The following PROM1 variants were observed in gnomAD, a reference collection of about 807,000 sequenced individuals.
PROM1 encodes the protein prominin 1.
In PROM1, 105 loss-of-function variants were observed where a neutral mutation model predicts 116.9. The observed-to-expected ratio is 0.90, with a 90% CI of 0.77 to 1.06. PROM1 has a LOEUF of 1.06. Ranked by LOEUF, PROM1 falls within the 50% of genes least tolerant of loss-of-function variation. PROM1 has a pLI of 0.00. For synonymous variants in PROM1, 393 were observed against 387.0 expected (o/e 1.02, Z -0.18); for missense variants, 1,122 against 1,045.2 (o/e 1.07, Z -1.01).
intron 23 of PROM1, 104 bp from the exon 24 acceptor site, chr4:15,980,641 A>G: frequency 1.3e-6 from 1 of 767,040 alleles, no homozygotes; most frequent in Non-Finnish European, 2.1e-6. Flanking sequence ...GGAATTTTTA[A>G]AAATGAGTTG....
chr4:15,994,333 C>T (rs146770150), intron 15 of PROM1, among the ~76,000 whole-genome samples: 15 of 152,318 alleles, frequency 9.8e-5, no homozygotes, highest in African/African-American at 3.4e-4. Flanking sequence ...CTCCTACATG[C>T]TCTAGTTCTG....
At position 16,052,988 on chromosome 4, in the gene PROM1, C is replaced by T. The variant is rs137892427; in HGVS notation, c.221-13987G>A. On this transcript the variant is annotated intron_variant, in intron 2 of 27. Transcript: ENST00000447510. ...CATGTCATTTATGTAGTGCCACAGA[C>T]GAAATATTTAATTTGAATAAAAGCT... Among the ~76,000 whole-genome samples, 9 of 151,976 alleles carry T rather than the reference C, an allele frequency of 5.9e-5. No homozygotes were observed. The East Asian group carries it at 1.2e-3, about 20-fold the overall frequency.
intron 16 of PROM1, among the ~76,000 whole-genome samples, chr4:15,992,616 A>T (rs896312954): frequency 6.6e-6 from 1 of 152,182 alleles, no homozygotes; most frequent in African/African-American, 2.4e-5. Context: ...ACATAAATTT[A>T]AAAAATAAAT....
chr4:15,994,063 T>C lies in PROM1; in HGVS notation c.1691A>G (p.Lys564Arg), dbSNP rs1156646532. Residue 564 changes from lysine to arginine, a missense_variant, in exon 16 of 28, where the codon AAA becomes AGA. Coordinates refer to ENST00000447510, the MANE Select transcript of PROM1 (RefSeq NM_006017.3). Reference protein sequence around the residue: ...LTFEQVYSDCKKNRGTYGTLH... With the variant: ...LTFEQVYSDCRKNRGTYGTLH... The stretch of plus-strand genomic sequence containing the variant: ...AGTGCCGTAAGTGCCTCTATTTTTT[T>C]TGCAGTCACTGTGGGAATGAACAGA... 2 of 1,613,996 alleles carry C rather than the reference T, an allele frequency of 1.2e-6. No homozygotes were observed. The highest frequency in any genetic ancestry group is 1.7e-6 in the Non-Finnish European group (2 of 1,179,870).
rs1745526438 is a variant in PROM1, at chr4:16,083,980, C to G, written c.-215G>C. The G allele has an allele frequency of 6.6e-6, 1 of 152,308 alleles. No homozygotes were observed. The allele number at this position is 152,308 out of a possible 1,614,324, so 9.4% of individuals were successfully genotyped here. On this transcript the variant is annotated splice_region_variant and 5_prime_UTR_variant, in exon 1 of 28. Coordinates refer to ENST00000447510, the MANE Select transcript of PROM1 (RefSeq NM_006017.3). ...AAGGATTCCTTAAACATACTCACCGCGGCGGGAGAGCTGAGAGCATGGCCA... is the reference window on the plus strand; with the variant it reads ...AAGGATTCCTTAAACATACTCACCGGGGCGGGAGAGCTGAGAGCATGGCCA...
chr4:16,035,472 G>C (rs555007126), intron 4 of PROM1, among the ~76,000 whole-genome samples: 6 of 152,326 alleles, frequency 3.9e-5, no homozygotes, highest in Non-Finnish European at 8.8e-5. Context: ...GGCATTTCAA[G>C]AGTTCACTTC....
intron 23 of PROM1, among the ~76,000 whole-genome samples, chr4:15,981,182 G>A (rs1269172246): frequency 1.3e-5 from 2 of 150,672 alleles, no homozygotes; most frequent in Non-Finnish European, 3.0e-5. Context: ...AGGATGGTCT[G>A]GATCCCCTGA....
intron 2 of PROM1, among the ~76,000 whole-genome samples, chr4:16,057,007 G>A (rs1578244148): frequency 1.3e-5 from 2 of 152,322 alleles, no homozygotes; most frequent in East Asian, 3.9e-4. Flanking sequence ...TCCTGTTTTT[G>A]CAATACAACG....
intron 23 of PROM1, among the ~76,000 whole-genome samples, chr4:15,981,558 C>T (rs970681647): frequency 1.4e-5 from 2 of 148,072 alleles, no homozygotes; most frequent in Admixed American, 1.4e-4. Context: ...GGCAACAGAA[C>T]GAGACTCTAT....
chr4:16,047,520 T>C (rs115771130), intron 2 of PROM1, among the ~76,000 whole-genome samples: 3,971 of 152,292 alleles, frequency 0.026, 165 homozygotes, highest in African/African-American at 0.091. Flanking sequence ...TTACAGTGTC[T>C]GGCCGGTACT....
chr4:16,047,451 T>C (rs996263665), intron 2 of PROM1, among the ~76,000 whole-genome samples: 8 of 152,132 alleles, frequency 5.3e-5, no homozygotes, highest in Non-Finnish European at 1.0e-4. Context: ...GTGATCTGCC[T>C]GCCTCAGCCT....
chr4:16,050,299 T>A (rs1285235569), intron 2 of PROM1, among the ~76,000 whole-genome samples: 1 of 151,524 alleles, frequency 6.6e-6, no homozygotes, highest in African/African-American at 2.4e-5. Flanking sequence ...CAAAAACTGA[T>A]GTTTGTTCTT....
intron 3 of PROM1, among the ~76,000 whole-genome samples, chr4:16,036,891 G>A (rs1053792197): frequency 3.9e-5 from 6 of 152,164 alleles, no homozygotes; most frequent in Admixed American, 1.3e-4. Context: ...CACATCTAGA[G>A]TAGGAATCAG....
intron 13 of PROM1, among the ~76,000 whole-genome samples, chr4:16,006,124 C>G (rs1577981140): frequency 6.6e-6 from 1 of 152,204 alleles, no homozygotes; most frequent in East Asian, 1.9e-4. Context: ...GCTAGCAATA[C>G]TGCTGACCAA....
At chr4:16,070,671 G>T (rs936545915) in intron 2 of PROM1, among the ~76,000 whole-genome samples, 18 of 152,198 alleles carry the variant, frequency 1.2e-4, no homozygotes, top group African/African-American at 4.1e-4. Flanking sequence ...GAAAACAAGA[G>T]CCTGTCAGAT....
At position 15,984,315 on chromosome 4, in the gene PROM1, G is replaced by C. The variant is rs1241061625; in HGVS notation, c.2321C>G (p.Ala774Gly). Residue 774 changes from alanine to glycine, a missense_variant, in exon 23 of 28, where the codon GCT (alanine) becomes GGT (glycine). Ala to Gly is a moderately conservative substitution (Grantham distance 60). Coordinates refer to ENST00000447510, the MANE Select transcript of PROM1 (RefSeq NM_006017.3). Reference sequence around the variant, plus strand: ...AAAGACATCAACAGCAGTATCTAGAGCGGTGGCCACAGGTTTGCACGATGC... The same window carrying C: ...AAAGACATCAACAGCAGTATCTAGACCGGTGGCCACAGGTTTGCACGATGC... ...KVASCKPVATALDTAVDVFLC... is the reference protein window; with the variant it reads ...KVASCKPVATGLDTAVDVFLC... 6.2e-7 allele frequency: 1 copy of C among 1,608,934 alleles called. No homozygotes were observed. Among genetic ancestry groups the C allele is most frequent in the South Asian group, 1.1e-5 (1 of 89,664 alleles).
At chr4:16,009,162 C>T (rs896719463) in intron 11 of PROM1, 54 bp from the exon 12 acceptor site, 15 of 1,527,032 alleles carry the variant, frequency 9.8e-6, no homozygotes, top group Middle Eastern at 2.2e-4. Context: ...GAAATAGAAA[C>T]TTTGTTTTGG....
rs147385694 is a variant in PROM1, at chr4:16,042,051, C to T, written c.221-3050G>A. Among the ~76,000 whole-genome samples, 653 of 152,174 alleles carry T rather than the reference C, an allele frequency of 4.3e-3. 7 individuals are homozygous for T. Among genetic ancestry groups the T allele is most frequent in the African/African-American group, 0.015 (606 of 41,510 alleles). On this transcript the variant is annotated intron_variant, in intron 2 of 27. Transcript: ENST00000447510. ...CTAGTCTTAAACCCCCGGCTTCAAACGATCCTCTCACCTTGGCCTCCCAAA... is the reference window on the plus strand; with the variant it reads ...CTAGTCTTAAACCCCCGGCTTCAAATGATCCTCTCACCTTGGCCTCCCAAA...
intron 13 of PROM1, 122 bp downstream of exon 13, chr4:16,006,416 C>T: frequency 8.2e-7 from 1 of 1,222,344 alleles, no homozygotes; most frequent in African/African-American, 1.5e-5. Flanking sequence ...TCCTCGCGAC[C>T]TGGGAGCTGG....
Sources: allele counts gnomAD v4.1 joint callset (sites outside exome capture counted in the v4.1 genomes callset), GRCh38; gene constraint gnomAD v4.1.1; transcripts MANE v1.5; gene names NCBI Gene and HGNC (gene_info 2026-07-23, HGNC 2026-07-21).